Variants in NLK observed in about 807,000 individuals in gnomAD.
NLK encodes the protein serine/threonine-protein kinase NLK.
NLK carries 11 observed loss-of-function variants against 59.0 expected under a neutral mutation model. The ratio of observed to expected loss-of-function variants is 0.19; its 90% CI spans 0.12 to 0.31. The LOEUF (loss-of-function observed/expected upper bound fraction) is 0.31, where lower values mean the gene tolerates loss of function less well. Among genes scored for constraint, NLK ranks in the 10% least tolerant of loss-of-function variants. The pLI, the probability that NLK is intolerant of heterozygous loss-of-function variation, is 1.00. For missense variants in NLK, 410 were observed against 661.1 expected (o/e 0.62, Z 4.16); for synonymous variants, 235 against 235.9 (o/e 1.00, Z 0.03).
chr17:28,059,094 C>G (rs1909540482), intron 1 of NLK, among the ~76,000 whole-genome samples: 1 of 151,582 alleles, frequency 6.6e-6, no homozygotes, highest in Non-Finnish European at 1.5e-5. Context: ...CCACTGTACT[C>G]TAGCTTGGTC....
chr17:28,103,978 G>T (rs1329840116), intron 1 of NLK, among the ~76,000 whole-genome samples: 1 of 152,066 alleles, frequency 6.6e-6, no homozygotes, highest in African/African-American at 2.4e-5. Context: ...ATTGACCTTT[G>T]TCTAGTGATA....
intron 3 of NLK, among the ~76,000 whole-genome samples, chr17:28,135,598 T>G (rs915076030): frequency 6.6e-6 from 1 of 152,340 alleles, no homozygotes; most frequent in Middle Eastern, 3.4e-3. Flanking sequence ...TTGAAGACTT[T>G]CGGAATGTGC....
intron 4 of NLK, among the ~76,000 whole-genome samples, chr17:28,161,945 T>C (rs764554539): frequency 2.2e-4 from 34 of 152,102 alleles, no homozygotes; most frequent in Admixed American, 1.3e-4. Context: ...ACTTTCCCCC[T>C]GCCCCAGAAT....
Position 28,132,594 on chromosome 17 carries a change from T to C in NLK, c.589-26T>C, listed in dbSNP as rs1394570654. On this transcript the variant is annotated intron_variant, in intron 2 of 10. Coordinates refer to ENST00000407008, the MANE Select transcript of NLK (RefSeq NM_016231.5). ...TTTGTTTCCTTTTTTGTTCTCTAAATTTGACTTTTTTTTTCCTTTTCTCAG... is the reference window on the plus strand; with the variant it reads ...TTTGTTTCCTTTTTTGTTCTCTAAACTTGACTTTTTTTTTCCTTTTCTCAG... 1.9e-6 allele frequency: 3 copies of C among 1,580,258 alleles called. No homozygotes were observed. The African/African-American group carries it at 4.0e-5, about 21-fold the overall frequency.
At position 28,069,451 on chromosome 17, in the gene NLK, T is replaced by C. The variant is rs1360848319; in HGVS notation, c.458+26120T>C. ...AGAGTACATATATATTTAACTTTATTAAGATTGCCAAAGCAGTTTTCCAAA... is the reference window on the plus strand; with the variant it reads ...AGAGTACATATATATTTAACTTTATCAAGATTGCCAAAGCAGTTTTCCAAA... On this transcript the variant is annotated intron_variant, in intron 1 of 10. Coordinates refer to ENST00000407008, the MANE Select transcript of NLK (RefSeq NM_016231.5). 3.3e-5 allele frequency among the ~76,000 whole-genome samples: 5 copies of C among 152,234 alleles called. No individual in the cohort carries two copies. In the East Asian group the frequency reaches 9.6e-4, roughly 29 times the overall value.
intron 1 of NLK, among the ~76,000 whole-genome samples, chr17:28,086,812 A>G (rs1396791595): frequency 2.0e-5 from 3 of 151,678 alleles, no homozygotes; most frequent in Admixed American, 2.0e-4. Context: ...GGATCACTTG[A>G]GACTAGAATT....
At chr17:28,203,154 T>C in the NLK span, among the ~76,000 whole-genome samples, 1 of 131,746 alleles carries the variant, frequency 7.6e-6, no homozygotes, top group African/African-American at 3.5e-5. Flanking sequence ...TATGAATGTA[T>C]ATACATACAT....
At chr17:28,112,998 T>C (rs926045752) in intron 1 of NLK, among the ~76,000 whole-genome samples, 24 of 152,220 alleles carry the variant, frequency 1.6e-4, no homozygotes, top group African/African-American at 5.5e-4. Context: ...TTCTTTGGGC[T>C]GGTATAGATG....
In NLK at chr17:28,043,058, A is replaced by G. The variant is rs748633185; in HGVS notation, c.185A>G (p.His62Arg). 4 of 1,563,376 alleles carry G rather than the reference A, an allele frequency of 2.6e-6. No homozygotes were observed. In the East Asian group the frequency reaches 7.2e-5, roughly 28 times the overall value. ...HLHPGSAAAVHPVQQHTSSAA... is the reference protein window; with the variant it reads ...HLHPGSAAAVRPVQQHTSSAA... Reference sequence around the variant, plus strand: ...CATCCGGGGTCGGCTGCCGCTGTACACCCTGTACAGCAGCACACCTCTTCG... The same window carrying G: ...CATCCGGGGTCGGCTGCCGCTGTACGCCCTGTACAGCAGCACACCTCTTCG... The change falls in exon 1 of 11, where the codon CAC (histidine) becomes CGC (arginine). Residue 62 changes from histidine (H) to arginine (R), a missense_variant. Transcript: ENST00000407008.
chr17:28,111,066 G>A (rs911811561), intron 1 of NLK, among the ~76,000 whole-genome samples: 3 of 152,058 alleles, frequency 2.0e-5, no homozygotes, highest in South Asian at 4.1e-4. Flanking sequence ...GGATGGTCTC[G>A]ATCTCCTGAC....
chr17:28,055,167 A>G (rs1218536746), intron 1 of NLK, among the ~76,000 whole-genome samples: 1 of 145,458 alleles, frequency 6.9e-6, no homozygotes, highest in Non-Finnish European at 1.5e-5. Flanking sequence ...ATCTTGGCTC[A>G]CTGCAGCCTC....
rs1262855092 is a variant in NLK, at chr17:28,042,776, T to A, written c.-98T>A. ...TGACTGATGAAGACATAAAGCTCTA[T>A]GTTTTTTGAGGTGGAGTGAGTGGTT... On this transcript the variant is annotated 5_prime_UTR_variant, in exon 1 of 11. An upstream start codon of the reference 5' UTR is lost. Coordinates refer to ENST00000407008, the MANE Select transcript of NLK (RefSeq NM_016231.5). 1 of 1,102,296 alleles carries A rather than the reference T, an allele frequency of 9.1e-7. No homozygotes were observed. The highest frequency in any genetic ancestry group is 1.6e-5 in the African/African-American group (1 of 63,254). 68.3% of individuals were successfully genotyped at this position (1,102,296 alleles called of 1,614,324 possible). A position where few individuals can be genotyped will look rare whatever the true frequency, so the allele number is the denominator to read the frequency against.
rs1206175610 is a variant in NLK, at chr17:28,043,031, T to C, written c.158T>C (p.Leu53Pro). The C allele has an allele frequency of 6.4e-7, 1 of 1,556,464 alleles. No individual in the cohort carries two copies. ...LHHHHHPQHH[L>P]HPGSAAAVHP... ...CACCACCACCACCCTCAACACCATC[T>C]TCATCCGGGGTCGGCTGCCGCTGTA... Residue 53 changes from leucine to proline, a missense_variant, in exon 1 of 11, where the codon CTT (leucine) becomes CCT (proline). By Grantham distance (98) the Leu-to-Pro change is moderately conservative. Around this residue, in one of 5 missense-constraint regions of NLK, gnomAD observed 160 missense variants for 171.0 expected, o/e 0.94. Coordinates refer to ENST00000407008, the MANE Select transcript of NLK (RefSeq NM_016231.5).
At chr17:28,185,583 C>G (rs142867921) in intron 8 of NLK, among the ~76,000 whole-genome samples, 1 of 152,144 alleles carries the variant, frequency 6.6e-6, no homozygotes, top group Non-Finnish European at 1.5e-5. Flanking sequence ...AGGTCTTGCT[C>G]TGTCACCCAG....
At chr17:28,061,257 A>G (rs1298482738) in intron 1 of NLK, among the ~76,000 whole-genome samples, 1 of 152,226 alleles carries the variant, frequency 6.6e-6, no homozygotes, top group Non-Finnish European at 1.5e-5. Flanking sequence ...TCTATGAGCT[A>G]TTTTTAAAAG....
chr17:28,142,724 G>GA lies in NLK; in HGVS notation c.644+10059dup, dbSNP rs35296334. 6.4e-3 allele frequency among the ~76,000 whole-genome samples: 946 copies of GA among 146,866 alleles called. 11 individuals carry two copies. The highest frequency in any genetic ancestry group is 0.022 in the African/African-American group (876 of 40,258). Reference sequence around the variant, plus strand: ...TTCCCCTGTGCACCTGATTTTGGAAGAAAAAAAAAACGAGCAGGAGATTTT... The same window carrying GA: ...TTCCCCTGTGCACCTGATTTTGGAAGAAAAAAAAAAACGAGCAGGAGATTTT... On this transcript the variant is annotated intron_variant, in intron 3 of 10. Coordinates refer to ENST00000407008, the MANE Select transcript of NLK (RefSeq NM_016231.5).
intron 1 of NLK, among the ~76,000 whole-genome samples, chr17:28,053,528 A>G (rs1451598788): frequency 6.6e-6 from 1 of 152,108 alleles, no homozygotes; most frequent in African/African-American, 2.4e-5. Context: ...TGTTATCTGG[A>G]TAAGGTTCTC....
intron 7 of NLK, among the ~76,000 whole-genome samples, chr17:28,180,750 C>G (rs73989107): frequency 0.011 from 1,656 of 152,230 alleles, 30 homozygotes; most frequent in African/African-American, 0.038. Context: ...CCAACCTGCA[C>G]AGGCTAGTAA....
At chr17:28,181,589 A>G (rs1383887838) in intron 7 of NLK, among the ~76,000 whole-genome samples, 1 of 152,002 alleles carries the variant, frequency 6.6e-6, no homozygotes, top group Non-Finnish European at 1.5e-5. Context: ...AAAAAAAGGA[A>G]AAGAAAAATA....
Sources: gnomAD v4.1 joint callset for allele counts (sites outside exome capture counted in the v4.1 genomes callset) on GRCh38, gnomAD v4.1.1 for gene constraint, gnomAD v4.1.1 regional missense constraint, MANE v1.5 for transcripts, NCBI Gene and HGNC (gene_info 2026-07-23, HGNC 2026-07-21) for gene names.